CABIN1: variants seen among roughly 807,000 people sequenced by gnomAD.
The protein encoded by CABIN1 is calcineurin binding protein 1.
In CABIN1, 133 loss-of-function variants were observed where a neutral mutation model predicts 227.7. The observed-to-expected ratio is 0.58, with a 90% CI of 0.51 to 0.67. The LOEUF is 0.67. Ranked by LOEUF, CABIN1 falls within the 30% of genes least tolerant of loss-of-function variation. The pLI, the probability that CABIN1 is intolerant of heterozygous loss-of-function variation, is 0.00. For missense variants in CABIN1, 2,408 were observed against 2,852.5 expected (o/e 0.84, Z 3.55); for synonymous variants, 1,086 against 1,155.1 (o/e 0.94, Z 1.21).
At chr22:24,171,350 G>A (rs549672094) in intron 33 of CABIN1, among the ~76,000 whole-genome samples, 1 of 152,334 alleles carries the variant, frequency 6.6e-6, no homozygotes, top group African/African-American at 2.4e-5. Context: ...CCTGGGTTGG[G>A]AGCTGCACCC....
rs746421606 is a variant in CABIN1, at chr22:24,134,293, T to A, written c.4633-9T>A. The A allele has an allele frequency of 6.2e-7, 1 of 1,611,352 alleles. No homozygotes were observed. Among genetic ancestry groups the A allele is most frequent in the Admixed American group, 1.7e-5 (1 of 59,906 alleles). On this transcript the variant is annotated splice_polypyrimidine_tract_variant and intron_variant, in intron 28 of 36. Coordinates refer to ENST00000263119, the MANE Select transcript of CABIN1 (RefSeq NM_012295.4). ...ACACTCACTTTCAACCTACTTCTTGTTTCCCCAGAACCTCCAGTGGGCCCG... is the reference window on the plus strand; with the variant it reads ...ACACTCACTTTCAACCTACTTCTTGATTCCCCAGAACCTCCAGTGGGCCCG...
chr22:24,097,031 C>T (rs1194834299), intron 25 of CABIN1, among the ~76,000 whole-genome samples: 2 of 152,324 alleles, frequency 1.3e-5, no homozygotes, highest in East Asian at 1.9e-4. Flanking sequence ...GTCGGTGTGC[C>T]CCTCAGGTTA....
At chr22:24,062,072 C>A in intron 13 of CABIN1, 47 bp downstream of exon 13, 1 of 1,478,744 alleles carries the variant, frequency 6.8e-7, no homozygotes, top group Non-Finnish European at 9.4e-7. Flanking sequence ...TCTGAACCCC[C>A]AGCAGCTGGG....
intron 32 of CABIN1, among the ~76,000 whole-genome samples, chr22:24,168,105 A>G (rs2148712234): frequency 6.6e-6 from 1 of 152,350 alleles, no homozygotes; most frequent in Middle Eastern, 3.4e-3. Context: ...TAAGTAACTC[A>G]GCCATAGAAA....
intron 28 of CABIN1, among the ~76,000 whole-genome samples, chr22:24,122,002 G>A (rs1191611171): frequency 2.0e-5 from 3 of 152,198 alleles, no homozygotes; most frequent in South Asian, 2.1e-4. Context: ...AGGGAAGTGG[G>A]GAAGGACAGC....
rs762695012 is a variant in CABIN1 at position 24,039,332 on chromosome 22, C to T, written c.210+871C>T. Among the ~76,000 whole-genome samples the T allele has an allele frequency of 8.5e-5, 13 of 152,136 alleles. No individual in the cohort carries two copies. The East Asian group carries it at 1.4e-3, about 16-fold the overall frequency. On this transcript the variant is annotated intron_variant, in intron 4 of 36. Transcript: ENST00000263119. The stretch of plus-strand genomic sequence containing the variant: ...CAAAAACCTTGATGGTTTTTGCTGC[C>T]GATGAGATAGAATACTGAGTTTTAA...
At chr22:24,020,080 T>G (rs1252064081) in intron 1 of CABIN1, among the ~76,000 whole-genome samples, 2 of 152,226 alleles carry the variant, frequency 1.3e-5, no homozygotes, top group Non-Finnish European at 2.9e-5. Flanking sequence ...ATCTCTGAAA[T>G]TAATGGACAT....
chr22:24,053,071 C>CT (rs911084108), intron 8 of CABIN1, among the ~76,000 whole-genome samples: 1 of 146,274 alleles, frequency 6.8e-6, no homozygotes, highest in African/African-American at 2.5e-5. Context: ...TTTCTTTTTT[C>CT]TTTTTTCTTT....
intron 28 of CABIN1, among the ~76,000 whole-genome samples, chr22:24,133,732 C>T (rs2044218101): frequency 6.6e-6 from 1 of 152,160 alleles, no homozygotes; most frequent in African/African-American, 2.4e-5. Flanking sequence ...GCTCTATGGG[C>T]CAGTGAGAAG....
At chr22:24,131,499 C>T (rs944521198) in intron 28 of CABIN1, among the ~76,000 whole-genome samples, 18 of 152,334 alleles carry the variant, frequency 1.2e-4, no homozygotes, top group African/African-American at 3.8e-4. Context: ...ATGGTCTTAG[C>T]ACTTACTCCC....
intron 26 of CABIN1, among the ~76,000 whole-genome samples, chr22:24,112,553 C>T (rs995753762): frequency 6.6e-6 from 1 of 152,128 alleles, no homozygotes; most frequent in Non-Finnish European, 1.5e-5. Context: ...AGTAGACTCC[C>T]TTGCTTGTTA....
At chr22:24,119,338 G>T in intron 27 of CABIN1, 29 bp from the exon 28 acceptor site, 2 of 1,596,044 alleles carry the variant, frequency 1.3e-6, no homozygotes, top group Non-Finnish European at 1.7e-6. Context: ...AAACCAGGGT[G>T]ACTTTCTTTC....
At position 24,038,351 on chromosome 22, in the gene CABIN1, G is replaced by A; in HGVS notation, c.100G>A (p.Ala34Thr). ...HKTQTKEAQE[A>T]EAFALYHKAL... ...CATCTCTTGTCTTGATTTGCAGGAA[G>A]CAGAGGCTTTTGCATTGTACCACAA... Residue 34 changes from alanine (A) to threonine (T), a missense_variant, in exon 4 of 37, where the codon GCA becomes ACA. Ala to Thr is a moderately conservative substitution (Grantham distance 58). Coordinates refer to ENST00000263119, the MANE Select transcript of CABIN1 (RefSeq NM_012295.4). 1 of 1,612,428 alleles carries A rather than the reference G, an allele frequency of 6.2e-7. No individual in the cohort carries two copies. Among genetic ancestry groups the A allele is most frequent in the Non-Finnish European group, 8.5e-7 (1 of 1,178,470 alleles).
chr22:24,064,535 T>TTTTTTTTG (rs1491127059), intron 15 of CABIN1, among the ~76,000 whole-genome samples: 1 of 147,786 alleles, frequency 6.8e-6, no homozygotes, highest in African/African-American at 2.5e-5. Context: ...TTTTTTTTTT[T>TTTTTTTTG]ATTGATCATT....
At chr22:24,013,301 A>G (rs1403785329) in intron 1 of CABIN1, among the ~76,000 whole-genome samples, 4 of 135,298 alleles carry the variant, frequency 3.0e-5, no homozygotes, top group African/African-American at 5.6e-5. Context: ...GGTTCACGCC[A>G]TTCTCCTGCC....
intron 1 of CABIN1, among the ~76,000 whole-genome samples, chr22:24,020,186 A>C (rs1240845028): frequency 6.6e-6 from 1 of 152,098 alleles, no homozygotes; most frequent in Non-Finnish European, 1.5e-5. Flanking sequence ...TATTTTCCTG[A>C]GTATTTTTTA....
At chr22:24,102,001 C>T (rs1195861653) in intron 26 of CABIN1, among the ~76,000 whole-genome samples, 1 of 152,144 alleles carries the variant, frequency 6.6e-6, no homozygotes, top group Non-Finnish European at 1.5e-5. Flanking sequence ...CCTGCAGGCT[C>T]GGTCATGCCC....
At chr22:24,014,462 A>G (rs1288435306) in intron 1 of CABIN1, among the ~76,000 whole-genome samples, 1 of 150,184 alleles carries the variant, frequency 6.7e-6, no homozygotes, top group African/African-American at 2.5e-5. Flanking sequence ...ATGGCACACC[A>G]CAAGGTGTTC....
At chr22:24,120,827 A>C (rs1408268653) in intron 28 of CABIN1, among the ~76,000 whole-genome samples, 1 of 152,212 alleles carries the variant, frequency 6.6e-6, no homozygotes, top group Non-Finnish European at 1.5e-5. Context: ...CAAAAATAAT[A>C]AATAAAAAAT....
Sources: gnomAD v4.1 joint callset for allele counts (sites outside exome capture counted in the v4.1 genomes callset) on GRCh38, gnomAD v4.1.1 for gene constraint, MANE v1.5 for transcripts, NCBI Gene and HGNC (gene_info 2026-07-23, HGNC 2026-07-21) for gene names.